PTCHD4: variants seen among roughly 807,000 people sequenced by gnomAD.
PTCHD4 encodes the protein patched domain containing 4, also known as patched domain-containing protein 4.
Under a neutral mutation model 58.1 loss-of-function variants are expected in PTCHD4, and 33 were observed. The ratio of observed to expected loss-of-function variants is 0.57; its 90% CI spans 0.43 to 0.76. The LOEUF (loss-of-function observed/expected upper bound fraction) is 0.76, where lower values mean the gene tolerates loss of function less well. Ranked by LOEUF, PTCHD4 falls within the 30% of genes least tolerant of loss-of-function variation. The pLI, the probability that PTCHD4 is intolerant of heterozygous loss-of-function variation, is 0.00. For missense variants in PTCHD4, 1,058 were observed against 1,027.1 expected, an observed-to-expected ratio of 1.03 and a Z score of -0.41; for synonymous variants, 478 against 409.6, an observed-to-expected ratio of 1.17 and a Z score of -2.02.
At chr6:47,943,015 A>T (rs1766291746) in intron 4 of PTCHD4, among the ~76,000 whole-genome samples, 1 of 152,182 alleles carries the variant, frequency 6.6e-6, no homozygotes, top group African/African-American at 2.4e-5. Flanking sequence ...ATGCAGTTTC[A>T]TGAGAAACTT....
chr6:48,077,294 G>T (rs1035579021), intron 1 of PTCHD4, among the ~76,000 whole-genome samples: 2 of 152,186 alleles, frequency 1.3e-5, no homozygotes, highest in East Asian at 3.9e-4. Flanking sequence ...AAGAGAGTCC[G>T]CCTGTCCTTT....
At chr6:48,088,240 G>A (rs556528995) in intron 1 of PTCHD4, among the ~76,000 whole-genome samples, 16 of 152,132 alleles carry the variant, frequency 1.1e-4, no homozygotes, top group African/African-American at 2.4e-4. Context: ...AGTGTGCCCC[G>A]TTTGGAAGGG....
At chr6:48,053,704 T>A (rs1764312654) in intron 3 of PTCHD4, among the ~76,000 whole-genome samples, 1 of 152,138 alleles carries the variant, frequency 6.6e-6, no homozygotes, top group Non-Finnish European at 1.5e-5. Context: ...ATTTTCCCAA[T>A]GATAAGCAAT....
chr6:48,092,524 T>C (rs1765386936), intron 1 of PTCHD4, among the ~76,000 whole-genome samples: 1 of 152,208 alleles, frequency 6.6e-6, no homozygotes, highest in South Asian at 2.1e-4. Flanking sequence ...ACTAACTATG[T>C]ATTAATTATA....
chr6:47,906,149 G>C (rs1764877571), intron 4 of PTCHD4, among the ~76,000 whole-genome samples: 1 of 152,162 alleles, frequency 6.6e-6, no homozygotes, highest in South Asian at 2.1e-4. Context: ...CTCAATTCAG[G>C]TTGGATCTCT....
In PTCHD4 at chr6:48,008,838, T is replaced by C. The variant is rs539154471; in HGVS notation, c.694A>G (p.Ser232Gly). 7 of 1,614,014 alleles carry C rather than the reference T, an allele frequency of 4.3e-6. No individual in the cohort carries two copies. The highest frequency in any genetic ancestry group is 5.9e-6 in the Non-Finnish European group (7 of 1,179,890). The part of the protein sequence containing the change: ...DFHKTSILAR[S>G]KVLVSLVLIL... ...AGCACGAGGCTCACCAGGACCTTGC[T>C]TCTGGCCAGGATGCTGGTCTTATGA... is the stretch of plus-strand genomic sequence containing the variant. The change falls in exon 4 of 5, where the codon AGC becomes GGC. Residue 232 changes from serine (S) to glycine (G), a missense_variant. Transcript: ENST00000339488.
intron 3 of PTCHD4, among the ~76,000 whole-genome samples, chr6:48,061,590 G>T (rs557774944): frequency 1.3e-5 from 2 of 152,266 alleles, no homozygotes; most frequent in South Asian, 4.2e-4. Flanking sequence ...TGCAGATTCT[G>T]ATCAGTAGGT....
At position 48,105,234 on chromosome 6, in the gene PTCHD4, G is replaced by A. The variant is rs530456014; in HGVS notation, c.-970+5815C>T. 1.8e-4 allele frequency among the ~76,000 whole-genome samples: 27 copies of A among 152,334 alleles called. No individual in the cohort carries two copies. In the South Asian group the frequency reaches 5.4e-3, roughly 30 times the overall value. On this transcript the variant is annotated intron_variant, in intron 1 of 4. Coordinates refer to ENST00000339488, the MANE Select transcript of PTCHD4 (RefSeq NM_001384253.1). ...ACTCCTCAGCACATGTAAAAGATCA[G>A]AAATTATGACAAACTGTCTCTCAGA... is the stretch of plus-strand genomic sequence containing the variant.
chr6:48,077,020 A>G (rs1582116504), intron 1 of PTCHD4, among the ~76,000 whole-genome samples: 1 of 152,366 alleles, frequency 6.6e-6, no homozygotes, highest in East Asian at 1.9e-4. Flanking sequence ...GGACTCAAAT[A>G]TAGAAGTATG....
intron 1 of PTCHD4, among the ~76,000 whole-genome samples, chr6:48,097,520 A>T (rs1050876167): frequency 1.3e-5 from 2 of 152,208 alleles, no homozygotes; most frequent in Non-Finnish European, 2.9e-5. Flanking sequence ...ATAAATCACT[A>T]AGAACAGTCA....
At chr6:48,020,835 G>A (rs1052343445) in intron 3 of PTCHD4, among the ~76,000 whole-genome samples, 7 of 152,062 alleles carry the variant, frequency 4.6e-5, no homozygotes, top group African/African-American at 1.7e-4. Context: ...AAATATTCAA[G>A]GGAAATACAT....
chr6:47,995,271 G>A (rs1001239790), intron 4 of PTCHD4, among the ~76,000 whole-genome samples: 5 of 152,196 alleles, frequency 3.3e-5, no homozygotes, highest in Non-Finnish European at 5.9e-5. Context: ...GGGCTAGCAA[G>A]GTGAGCATCT....
chr6:47,891,022 A>T (rs1278405674), intron 4 of PTCHD4: 4 of 192,298 alleles, frequency 2.1e-5, no homozygotes, highest in Non-Finnish European at 3.7e-5. Context: ...AGCTTGGCCA[A>T]CATGGTGAGA....
At chr6:48,017,669 G>A (rs184959375) in intron 3 of PTCHD4, among the ~76,000 whole-genome samples, 66 of 152,280 alleles carry the variant, frequency 4.3e-4, no homozygotes, top group Non-Finnish European at 7.8e-4. Flanking sequence ...CTATACTGGA[G>A]TAGCCTCAAG....
At position 47,865,439 on chromosome 6, in the gene PTCHD4, A is replaced by G. The variant is rs959024920; in HGVS notation, c.*12864T>C. Among the ~76,000 whole-genome samples the G allele has an allele frequency of 6.6e-6, 1 of 151,924 alleles. No homozygotes were observed. Among genetic ancestry groups the G allele is most frequent in the African/African-American group, 2.4e-5 (1 of 41,410 alleles). ...GGGCCACGCTGCATGTCAAAACCAC[A>G]GGAATGTGAAGATTAAACTATACAT... is the stretch of plus-strand genomic sequence containing the variant. On this transcript the variant is annotated 3_prime_UTR_variant, in exon 5 of 5. Coordinates refer to ENST00000339488, the MANE Select transcript of PTCHD4 (RefSeq NM_001384253.1).
At chr6:47,991,158 G>A (rs1768268490) in intron 4 of PTCHD4, among the ~76,000 whole-genome samples, 1 of 152,066 alleles carries the variant, frequency 6.6e-6, no homozygotes, top group South Asian at 2.1e-4. Context: ...ATGAAATCAA[G>A]AGGTTCAATG....
intron 4 of PTCHD4, among the ~76,000 whole-genome samples, chr6:47,976,039 ATT>A (rs1767679296): frequency 6.6e-6 from 1 of 152,008 alleles, no homozygotes; most frequent in African/African-American, 2.4e-5. Context: ...TCATTCTTCA[ATT>A]GCTTATGTTT....
intron 1 of PTCHD4, among the ~76,000 whole-genome samples, chr6:48,110,168 T>G (rs754643600): frequency 9.2e-5 from 14 of 152,174 alleles, no homozygotes; most frequent in Non-Finnish European, 1.8e-4. Flanking sequence ...CCACGCTTAT[T>G]GCAGCATTAT....
chr6:47,932,837 G>A (rs577773596), intron 4 of PTCHD4, among the ~76,000 whole-genome samples: 18 of 152,146 alleles, frequency 1.2e-4, no homozygotes, highest in Non-Finnish European at 2.1e-4. Flanking sequence ...TCATTTCCCT[G>A]ACTCTATCTA....
Sources: gnomAD v4.1 joint callset for allele counts (sites outside exome capture counted in the v4.1 genomes callset) on GRCh38, gnomAD v4.1.1 for gene constraint, MANE v1.5 for transcripts, NCBI Gene and HGNC (gene_info 2026-07-23, HGNC 2026-07-21) for gene names.